The following PCSK5 variants were observed in gnomAD, a reference collection of about 807,000 sequenced individuals.
PCSK5 encodes the protein proprotein convertase subtilisin/kexin type 5.
PCSK5 carries 129 observed loss-of-function variants against 233.2 expected under a neutral mutation model. The ratio of observed to expected loss-of-function variants is 0.55; its 90% CI spans 0.48 to 0.64. The LOEUF (loss-of-function observed/expected upper bound fraction) is 0.64. Among genes scored for constraint, PCSK5 ranks in the 30% least tolerant of loss-of-function variants. PCSK5 has a pLI of 0.00. For synonymous variants in PCSK5, 825 were observed against 879.2 expected (o/e 0.94, Z 1.09); for missense variants, 2,076 against 2,430.1 (o/e 0.85, Z 3.06).
At chr9:75,917,837 G>A (rs1823071059) in intron 1 of PCSK5, among the ~76,000 whole-genome samples, 1 of 152,198 alleles carries the variant, frequency 6.6e-6, no homozygotes, top group Non-Finnish European at 1.5e-5. Flanking sequence ...GAAAAATTTA[G>A]AAATTATTAT....
At chr9:76,012,691 G>C (rs997987328) in intron 3 of PCSK5, among the ~76,000 whole-genome samples, 5 of 152,184 alleles carry the variant, frequency 3.3e-5, no homozygotes, top group African/African-American at 1.2e-4. Context: ...ACCTGAAGAA[G>C]TCATGTTACT....
intron 28 of PCSK5, among the ~76,000 whole-genome samples, chr9:76,308,268 T>C (rs1828764201): frequency 1.3e-5 from 2 of 152,224 alleles, no homozygotes; most frequent in Non-Finnish European, 2.9e-5. Context: ...CTTTGACTCA[T>C]AAACTCATTC....
At chr9:76,302,268 G>A in intron 28 of PCSK5, 51 bp downstream of exon 28, 1 of 860,044 alleles carries the variant, frequency 1.2e-6, no homozygotes, top group Non-Finnish European at 1.7e-6. Context: ...ACTATCTCTG[G>A]AGATGGTCTC....
rs191350392 is a variant in PCSK5 at position 76,199,882 on chromosome 9, A to C, written c.2626+10136A>C. Among the ~76,000 whole-genome samples, 3 of 152,200 alleles carry C rather than the reference A, an allele frequency of 2.0e-5. No individual in the cohort carries two copies. In the East Asian group the frequency reaches 5.8e-4, roughly 29 times the overall value. ...GTCTAATAGGCATCTCAAAATTAAC[A>C]CGTCCAAAATAGACTTCAGACACCC... On this transcript the variant is annotated intron_variant, in intron 20 of 37. Coordinates refer to ENST00000674117, the MANE Select transcript of PCSK5 (RefSeq NM_001372043.1).
chr9:76,015,263 C>T (rs1337745454), intron 3 of PCSK5, among the ~76,000 whole-genome samples: 3 of 152,326 alleles, frequency 2.0e-5, no homozygotes, highest in Non-Finnish European at 4.4e-5. Flanking sequence ...CGCCCCTCAA[C>T]AGATCAGATG....
chr9:75,967,008 G>T (rs986647939), intron 2 of PCSK5, among the ~76,000 whole-genome samples: 1 of 152,138 alleles, frequency 6.6e-6, no homozygotes, highest in Non-Finnish European at 1.5e-5. Context: ...AGTCTTCAAG[G>T]GGGGAAGGAG....
At chr9:76,175,654 A>C (rs1413503129) in intron 14 of PCSK5, 1 of 156,314 alleles carries the variant, frequency 6.4e-6, no homozygotes, top group Non-Finnish European at 1.4e-5. Flanking sequence ...TAGGGCTTGG[A>C]AACATTTTGT....
At chr9:76,178,311 C>T (rs775522057) in intron 14 of PCSK5, among the ~76,000 whole-genome samples, 2 of 152,156 alleles carry the variant, frequency 1.3e-5, no homozygotes, top group African/African-American at 2.4e-5. Context: ...GAAGTATATT[C>T]GAGTCTGCAG....
At position 76,206,062 on chromosome 9, in the gene PCSK5, C is replaced by T. The variant is rs73460334; in HGVS notation, c.2626+16316C>T. Among the ~76,000 whole-genome samples the T allele has an allele frequency of 7.6e-3, 1,158 of 152,296 alleles. 19 individuals carry two copies. The highest frequency in any genetic ancestry group is 0.027 in the African/African-American group (1,115 of 41,556). On this transcript the variant is annotated intron_variant, in intron 20 of 37. Coordinates refer to ENST00000674117, the MANE Select transcript of PCSK5 (RefSeq NM_001372043.1). ...AGCAATGGCTGTCAGACTTGAGTGGCCATCAGAATCACCGGGACAGCCTGT... is the reference window on the plus strand; with the variant it reads ...AGCAATGGCTGTCAGACTTGAGTGGTCATCAGAATCACCGGGACAGCCTGT...
intron 3 of PCSK5, among the ~76,000 whole-genome samples, chr9:76,018,431 C>T (rs1240996476): frequency 6.6e-6 from 1 of 151,436 alleles, no homozygotes; most frequent in African/African-American, 2.5e-5. Flanking sequence ...GCCTGAACTC[C>T]GCCTCCTGTC....
At chr9:75,963,240 T>A (rs1165434511) in intron 2 of PCSK5, among the ~76,000 whole-genome samples, 1 of 152,160 alleles carries the variant, frequency 6.6e-6, no homozygotes, top group Non-Finnish European at 1.5e-5. Flanking sequence ...CATACCACTC[T>A]GGGGAAAAAT....
chr9:75,916,310 TG>T (rs1395172265), intron 1 of PCSK5, among the ~76,000 whole-genome samples: 1 of 152,210 alleles, frequency 6.6e-6, no homozygotes. Context: ...AGTATAAACT[TG>T]GGTAAATTAC....
At chr9:76,108,645 G>T (rs979950141) in intron 9 of PCSK5, among the ~76,000 whole-genome samples, 6 of 152,082 alleles carry the variant, frequency 3.9e-5, no homozygotes, top group Non-Finnish European at 5.9e-5. Context: ...CCCAGCTACT[G>T]GGGAGGCTGA....
intron 3 of PCSK5, among the ~76,000 whole-genome samples, chr9:76,005,368 T>C (rs1827433117): frequency 6.6e-6 from 1 of 152,174 alleles, no homozygotes; most frequent in African/African-American, 2.4e-5. Flanking sequence ...TCTTTATATA[T>C]TTAATTGTAT....
At chr9:76,237,956 T>C (rs1826301979) in intron 22 of PCSK5, among the ~76,000 whole-genome samples, 1 of 152,180 alleles carries the variant, frequency 6.6e-6, no homozygotes, top group Non-Finnish European at 1.5e-5. Flanking sequence ...AGTGCTATCT[T>C]TATCCACAAA....
intron 3 of PCSK5, among the ~76,000 whole-genome samples, chr9:76,015,648 C>T (rs575595050): frequency 6.6e-6 from 1 of 152,188 alleles, no homozygotes; most frequent in South Asian, 2.1e-4. Context: ...GTGGAATGCC[C>T]AGGGATCTTA....
intron 1 of PCSK5, among the ~76,000 whole-genome samples, chr9:75,910,700 A>T (rs181482395): frequency 2.0e-5 from 3 of 152,148 alleles, no homozygotes; most frequent in Non-Finnish European, 2.9e-5. Context: ...TGTTTAATAG[A>T]GAACTCTCTT....
chr9:76,126,901 C>T (rs1027090009), intron 9 of PCSK5, among the ~76,000 whole-genome samples: 41 of 152,212 alleles, frequency 2.7e-4, no homozygotes, highest in African/African-American at 9.2e-4. Flanking sequence ...AATATATGCA[C>T]ATAACAAAAT....
chr9:76,327,550 G>A (rs1210879751), intron 32 of PCSK5, among the ~76,000 whole-genome samples: 1 of 152,056 alleles, frequency 6.6e-6, no homozygotes, highest in African/African-American at 2.4e-5. Flanking sequence ...ATGCAAAAGG[G>A]ACCTTTATTT....
Sources: gnomAD v4.1 joint callset for allele counts (sites outside exome capture counted in the v4.1 genomes callset) on GRCh38, gnomAD v4.1.1 for gene constraint, MANE v1.5 for transcripts, NCBI Gene and HGNC (gene_info 2026-07-23, HGNC 2026-07-21) for gene names.